CDYL2: variants seen among roughly 807,000 people sequenced by gnomAD.
CDYL2 encodes chromodomain Y like 2.
In CDYL2, 23 loss-of-function variants were observed where a neutral mutation model predicts 49.4. The ratio of observed to expected loss-of-function variants is 0.47; its 90% CI spans 0.34 to 0.66. The LOEUF is 0.66. Ranked by LOEUF, CDYL2 falls within the 30% of genes least tolerant of loss-of-function variation. The pLI, the probability that CDYL2 is intolerant of heterozygous loss-of-function variation, is 0.01. For synonymous variants in CDYL2, 360 were observed against 268.8 expected (o/e 1.34, Z -3.32); for missense variants, 678 against 656.4 (o/e 1.03, Z -0.36).
At chr16:80,720,722 G>A (rs1475669086) in intron 1 of CDYL2, among the ~76,000 whole-genome samples, 2 of 152,146 alleles carry the variant, frequency 1.3e-5, no homozygotes, top group Non-Finnish European at 1.5e-5. Context: ...GGCAGCAGCT[G>A]ATAATGCCAC....
intron 1 of CDYL2, among the ~76,000 whole-genome samples, chr16:80,701,676 T>C (rs1056415662): frequency 2.0e-5 from 3 of 152,234 alleles, no homozygotes; most frequent in East Asian, 1.9e-4. Context: ...GTATGTACCA[T>C]GTTTCTGGAT....
intron 1 of CDYL2, among the ~76,000 whole-genome samples, chr16:80,700,711 C>A (rs1241140891): frequency 6.6e-6 from 1 of 152,182 alleles, no homozygotes; most frequent in South Asian, 2.1e-4. Flanking sequence ...AATGGATATA[C>A]CCTTTAGGGA....
intron 1 of CDYL2, among the ~76,000 whole-genome samples, chr16:80,783,577 A>T (rs1383878756): frequency 6.6e-6 from 1 of 152,230 alleles, no homozygotes; most frequent in African/African-American, 2.4e-5. Context: ...GGAAAAGTGG[A>T]AACAACCTAT....
chr16:80,706,997 C>T (rs555004967), intron 1 of CDYL2, among the ~76,000 whole-genome samples: 7 of 152,222 alleles, frequency 4.6e-5, no homozygotes, highest in South Asian at 4.1e-4. Context: ...TCTGGGAAGC[C>T]GTACAGATTG....
chr16:80,636,892 T>C lies in CDYL2; in HGVS notation c.617-3656A>G, dbSNP rs151236221. Among the ~76,000 whole-genome samples, 98 of 152,322 alleles carry C rather than the reference T, an allele frequency of 6.4e-4. 6 individuals are homozygous for C. In the East Asian group the frequency reaches 0.017, roughly 26 times the overall value. On this transcript the variant is annotated intron_variant, in intron 2 of 6. Coordinates refer to ENST00000570137, the MANE Select transcript of CDYL2 (RefSeq NM_152342.4). ...GCAGCCATAAAAAAGGATGAGTTCA[T>C]GTCCTTTGCAGAGACATGGATGAAG...
intron 1 of CDYL2, among the ~76,000 whole-genome samples, chr16:80,792,973 C>G (rs1907657193): frequency 6.6e-6 from 1 of 152,152 alleles, no homozygotes; most frequent in Non-Finnish European, 1.5e-5. Context: ...CCAGAGCTGC[C>G]CATAGAATCA....
At chr16:80,662,011 AATGTTCCTAGT>A (rs1404386819) in intron 2 of CDYL2, among the ~76,000 whole-genome samples, 1 of 152,168 alleles carries the variant, frequency 6.6e-6, no homozygotes, top group Non-Finnish European at 1.5e-5. Flanking sequence ...AATTCTTAAT[AATGTTCCTAGT>A]ATGTTCCTAG....
intron 4 of CDYL2, among the ~76,000 whole-genome samples, chr16:80,615,948 C>G (rs1906808528): frequency 1.3e-5 from 2 of 152,196 alleles, no homozygotes; most frequent in African/African-American, 4.8e-5. Flanking sequence ...CCCTGCAGCT[C>G]CGATATCTGA....
chr16:80,716,587 CAGAT>C (rs930389631), intron 1 of CDYL2, among the ~76,000 whole-genome samples: 3 of 151,128 alleles, frequency 2.0e-5, no homozygotes, highest in African/African-American at 7.3e-5. Flanking sequence ...AATGGACAGA[CAGAT>C]GGATCAATGG....
At chr16:80,742,984 G>C (rs115204686) in intron 1 of CDYL2, among the ~76,000 whole-genome samples, 3 of 121,972 alleles carry the variant, frequency 2.5e-5, no homozygotes, top group Non-Finnish European at 3.2e-5. Flanking sequence ...ATCGATAGGT[G>C]AGTACAAAGA....
At chr16:80,677,025 C>T (rs1909776511) in intron 2 of CDYL2, among the ~76,000 whole-genome samples, 1 of 133,122 alleles carries the variant, frequency 7.5e-6, no homozygotes. Context: ...GGCTGGAGTG[C>T]AGTGGCACAA....
intron 1 of CDYL2, among the ~76,000 whole-genome samples, chr16:80,770,490 A>G (rs1906869509): frequency 6.6e-6 from 1 of 152,096 alleles, no homozygotes; most frequent in African/African-American, 2.4e-5. Flanking sequence ...AAAAAAATAC[A>G]TTTTCTATTT....
chr16:80,759,203 A>G (rs1475031335), intron 1 of CDYL2, among the ~76,000 whole-genome samples: 1 of 142,764 alleles, frequency 7.0e-6, no homozygotes, highest in Non-Finnish European at 1.5e-5. Flanking sequence ...ATAATTTGAT[A>G]TGTTAATCTA....
At chr16:80,686,261 G>C (rs1340480536) in intron 1 of CDYL2, among the ~76,000 whole-genome samples, 1 of 152,146 alleles carries the variant, frequency 6.6e-6, no homozygotes, top group South Asian at 2.1e-4. Flanking sequence ...AATAACTGTT[G>C]TATTTAACTG....
chr16:80,681,845 A>C (rs1216894429), intron 2 of CDYL2, among the ~76,000 whole-genome samples: 1 of 152,210 alleles, frequency 6.6e-6, no homozygotes, highest in Admixed American at 6.5e-5. Context: ...TTTCAGAGGG[A>C]AAAGTCCATA....
chr16:80,788,109 G>GA (rs918706095), intron 1 of CDYL2, among the ~76,000 whole-genome samples: 1 of 152,080 alleles, frequency 6.6e-6, no homozygotes, highest in African/African-American at 2.4e-5. Flanking sequence ...AAAAGCACAT[G>GA]AAAAAAATGC....
chr16:80,713,218 G>A (rs541285437), intron 1 of CDYL2, among the ~76,000 whole-genome samples: 9 of 152,254 alleles, frequency 5.9e-5, no homozygotes, highest in South Asian at 2.1e-4. Context: ...TTTAATAAGC[G>A]CTAGGTGGCT....
At chr16:80,606,997 G>A (rs377200591) in intron 6 of CDYL2, among the ~76,000 whole-genome samples, 1 of 152,170 alleles carries the variant, frequency 6.6e-6, no homozygotes, top group East Asian at 1.9e-4. Context: ...TATCAGCAGC[G>A]TGAGAACAAT....
chr16:80,674,496 T>C (rs1437194941), intron 2 of CDYL2, among the ~76,000 whole-genome samples: 1 of 152,196 alleles, frequency 6.6e-6, no homozygotes, highest in Non-Finnish European at 1.5e-5. Context: ...CCATATAAAG[T>C]GCACAATTCA....
Sources: allele counts gnomAD v4.1 joint callset (sites outside exome capture counted in the v4.1 genomes callset), GRCh38; gene constraint gnomAD v4.1.1; transcripts MANE v1.5; gene names NCBI Gene and HGNC (gene_info 2026-07-23, HGNC 2026-07-21).